The following NECTIN3 variants were observed in gnomAD, a reference collection of about 807,000 sequenced individuals.
NECTIN3 encodes nectin cell adhesion molecule 3.
A neutral mutation model predicts 49.4 loss-of-function variants in NECTIN3; 8 were observed. The observed-to-expected ratio is 0.16, with a 90% CI of 0.10 to 0.29. NECTIN3 has a LOEUF of 0.29. Among genes scored for constraint, NECTIN3 ranks in the 10% least tolerant of loss-of-function variants. The pLI is 1.00. For missense variants in NECTIN3, 581 were observed against 654.6 expected, an observed-to-expected ratio of 0.89 and a Z score of 1.23; for synonymous variants, 277 against 241.1, an observed-to-expected ratio of 1.15 and a Z score of -1.38.
intron 7 of NECTIN3, among the ~76,000 whole-genome samples, chr3:111,167,900 G>T (rs1049488455): frequency 6.6e-6 from 1 of 151,954 alleles, no homozygotes; most frequent in African/African-American, 2.4e-5. Context: ...TGGACATTAT[G>T]TACCAGCTTC....
At chr3:111,140,876 A>G (rs2034726106), downstream of NECTIN3, among the ~76,000 whole-genome samples, 1 of 152,000 alleles carries the variant, frequency 6.6e-6, no homozygotes, top group Non-Finnish European at 1.5e-5. Context: ...CAATCCATGT[A>G]TTATATACTA....
chr3:111,144,111 C>T (rs1261991202), intron 5 of NECTIN3, among the ~76,000 whole-genome samples: 1 of 151,918 alleles, frequency 6.6e-6, no homozygotes, highest in Non-Finnish European at 1.5e-5. Flanking sequence ...TAGTACATTC[C>T]CTTATTTGGG....
At chr3:111,158,390 G>T (rs895119207) in intron 7 of NECTIN3, among the ~76,000 whole-genome samples, 7 of 151,974 alleles carry the variant, frequency 4.6e-5, no homozygotes, top group Non-Finnish European at 1.0e-4. Flanking sequence ...CAGATGTTTG[G>T]TGGGCAGTAA....
At chr3:111,098,254 C>T (rs147743788) in intron 1 of NECTIN3, among the ~76,000 whole-genome samples, 2 of 152,208 alleles carry the variant, frequency 1.3e-5, no homozygotes, top group African/African-American at 4.8e-5. Context: ...GGGTATCATG[C>T]CAAATTTAGT....
At chr3:111,097,454 A>T (rs2032656538) in intron 1 of NECTIN3, among the ~76,000 whole-genome samples, 1 of 152,018 alleles carries the variant, frequency 6.6e-6, no homozygotes, top group African/African-American at 2.4e-5. Context: ...GGAAGGCATG[A>T]TTGTTTTTGA....
rs1197371774 is a variant in NECTIN3, at chr3:111,136,681, AAATG to A, written c.*2470_*2473del. 2 of 910,034 alleles carry A rather than the reference AAATG, an allele frequency of 2.2e-6. No homozygotes were observed. Among genetic ancestry groups the A allele is most frequent in the Non-Finnish European group, 2.6e-6 (2 of 763,870 alleles). 56.4% of individuals were successfully genotyped at this position (910,034 alleles called of 1,614,324 possible). On this transcript the variant is annotated 3_prime_UTR_variant, in exon 6 of 6. Coordinates refer to ENST00000485303, the MANE Select transcript of NECTIN3 (RefSeq NM_015480.3). ...ATGAAAATTCTACTATCGTGAAAAA[AAATG>A]AATATTTGTACTATTTTTGGCCATA...
chr3:111,185,227 G>C (rs1374508371), intron 7 of NECTIN3, among the ~76,000 whole-genome samples: 1 of 152,056 alleles, frequency 6.6e-6, no homozygotes, highest in Non-Finnish European at 1.5e-5. Context: ...TGTCTCCCCA[G>C]TTCAGCAAGA....
chr3:111,116,457 T>C (rs982100568), intron 2 of NECTIN3, among the ~76,000 whole-genome samples: 1 of 152,096 alleles, frequency 6.6e-6, no homozygotes, highest in Non-Finnish European at 1.5e-5. Context: ...TTTCAACTGA[T>C]TGGAAAGAGC....
At chr3:111,179,427 T>A (rs577525641) in intron 7 of NECTIN3, among the ~76,000 whole-genome samples, 9 of 152,346 alleles carry the variant, frequency 5.9e-5, no homozygotes, top group Middle Eastern at 3.4e-3. Context: ...ATGATAGCTT[T>A]TCAGTAAGTG....
chr3:111,187,227 G>A (rs1036203351), intron 7 of NECTIN3, among the ~76,000 whole-genome samples: 2 of 152,088 alleles, frequency 1.3e-5, no homozygotes, highest in African/African-American at 4.8e-5. Context: ...GCAATACCCT[G>A]TCTCTACAAA....
chr3:111,155,590 G>A (rs1186626250), intron 7 of NECTIN3, among the ~76,000 whole-genome samples: 1 of 152,184 alleles, frequency 6.6e-6, no homozygotes, highest in African/African-American at 2.4e-5. Flanking sequence ...CTAAATTGTT[G>A]TCAGAGAATG....
chr3:111,097,008 A>G (rs910032264), intron 1 of NECTIN3, among the ~76,000 whole-genome samples: 8 of 152,172 alleles, frequency 5.3e-5, no homozygotes, highest in Admixed American at 1.3e-4. Context: ...CCAGAATTGT[A>G]GATCCACTGA....
chr3:111,104,256 A>G (rs2033063870), intron 1 of NECTIN3, among the ~76,000 whole-genome samples: 2 of 149,766 alleles, frequency 1.3e-5, no homozygotes, highest in South Asian at 4.2e-4. Context: ...TTTCCTTAAA[A>G]TGTTGATCAT....
Position 111,150,752 on chromosome 3 carries a change from C to T in NECTIN3, c.1221+3268C>T, listed in dbSNP as rs1040234660. ...TATACTTCAACTAAACAACATATTA[C>T]GGTAGACTGAATGCTGTAGCAGACA... On this transcript the variant is annotated intron_variant, in intron 7 of 8. Transcript: ENST00000493615. 2.6e-5 allele frequency among the ~76,000 whole-genome samples: 4 copies of T among 151,386 alleles called. No individual in the cohort carries two copies. The South Asian group carries it at 6.3e-4, about 24-fold the overall frequency.
intron 7 of NECTIN3, among the ~76,000 whole-genome samples, chr3:111,187,026 C>T (rs2035732474): frequency 2.0e-5 from 3 of 151,936 alleles, no homozygotes; most frequent in Admixed American, 2.0e-4. Context: ...AAAGAAATAC[C>T]AAATCCTGTT....
chr3:111,123,700 C>G (rs2034046352), intron 4 of NECTIN3, among the ~76,000 whole-genome samples: 1 of 152,092 alleles, frequency 6.6e-6, no homozygotes, highest in African/African-American at 2.4e-5. Context: ...GTGAGTTGAA[C>G]TCCAAATTTT....
At chr3:111,169,345 C>T (rs1290380908) in intron 7 of NECTIN3, among the ~76,000 whole-genome samples, 1 of 149,564 alleles carries the variant, frequency 6.7e-6, no homozygotes, top group Non-Finnish European at 1.5e-5. Context: ...CCGTCTCAGC[C>T]TCCCAAAGTG....
chr3:111,140,784 A>G (rs1326820885), downstream of NECTIN3, among the ~76,000 whole-genome samples: 3 of 151,784 alleles, frequency 2.0e-5, no homozygotes, highest in African/African-American at 7.3e-5. Context: ...GAACTGTCCC[A>G]TTTCACTCTC....
Position 111,071,968 on chromosome 3 carries a change from C to T in NECTIN3, c.-50C>T, listed in dbSNP as rs1370596182. The T allele has an allele frequency of 9.2e-7, 1 of 1,086,192 alleles. No individual in the cohort carries two copies. Among genetic ancestry groups the T allele is most frequent in the Non-Finnish European group, 1.1e-6 (1 of 888,448 alleles). 67.3% of individuals were successfully genotyped at this position (1,086,192 alleles called of 1,614,324 possible). ...CGCCCAGAGCCTGAGGCGCCGGGGC[C>T]GGGGGAGCCGGGGGGCGGGCGGGCG... On this transcript the variant is annotated 5_prime_UTR_variant, in exon 1 of 6. Transcript: ENST00000485303.
Sources: gnomAD v4.1 joint callset for allele counts (sites outside exome capture counted in the v4.1 genomes callset) on GRCh38, gnomAD v4.1.1 for gene constraint, MANE v1.5 for transcripts, NCBI Gene and HGNC (gene_info 2026-07-23, HGNC 2026-07-21) for gene names.